CNTN4: variants seen among roughly 807,000 people sequenced by gnomAD.
CNTN4 encodes the protein contactin-4.
A neutral mutation model predicts 122.5 loss-of-function variants in CNTN4; 77 were observed. That is an observed-to-expected ratio of 0.63 (90% CI 0.52 to 0.76). The LOEUF (loss-of-function observed/expected upper bound fraction) is 0.76, where lower values mean the gene tolerates loss of function less well. Among genes scored for constraint, CNTN4 ranks in the 30% least tolerant of loss-of-function variants. CNTN4 has a pLI of 0.00. For missense variants in CNTN4, 1,256 were observed against 1,259.1 expected (o/e 1.00, Z 0.04); for synonymous variants, 512 against 447.0 (o/e 1.15, Z -1.83).
chr3:2,289,522 A>G (rs1575278795), intron 2 of CNTN4, among the ~76,000 whole-genome samples: 1 of 152,224 alleles, frequency 6.6e-6, no homozygotes, highest in Non-Finnish European at 1.5e-5. Flanking sequence ...TGCTGTTAAT[A>G]TATGAGAAGG....
chr3:2,946,961 C>T (rs2094685652), intron 13 of CNTN4, among the ~76,000 whole-genome samples: 1 of 152,146 alleles, frequency 6.6e-6, no homozygotes, highest in Non-Finnish European at 1.5e-5. Context: ...CCACCTTGTC[C>T]TCCCAAAGTG....
At chr3:2,858,703 T>C (rs2093641911) in intron 7 of CNTN4, among the ~76,000 whole-genome samples, 1 of 146,602 alleles carries the variant, frequency 6.8e-6, no homozygotes, top group African/African-American at 2.6e-5. Context: ...TGAGACCCTG[T>C]CTCAGAAAAA....
At chr3:2,895,085 C>T (rs1024702592) in intron 10 of CNTN4, among the ~76,000 whole-genome samples, 8 of 152,176 alleles carry the variant, frequency 5.3e-5, no homozygotes, top group South Asian at 2.1e-4. Context: ...CCGTGATTCT[C>T]GCGCCTCAGC....
At chr3:2,705,757 T>TATATTTATTATATATAATAC (rs2086661262) in intron 4 of CNTN4, among the ~76,000 whole-genome samples, 1 of 101,362 alleles carries the variant, frequency 9.9e-6, no homozygotes, top group African/African-American at 4.4e-5. Flanking sequence ...ATATATAATA[T>TATATTTATTATATATAATAC]ATAATATATA....
chr3:2,125,798 C>G (rs1330599167), intron 2 of CNTN4, among the ~76,000 whole-genome samples: 1 of 151,794 alleles, frequency 6.6e-6, no homozygotes, highest in African/African-American at 2.4e-5. Flanking sequence ...CCTCGTGATC[C>G]GCCCGCCTCA....
At chr3:2,323,360 G>A (rs543599701) in intron 2 of CNTN4, among the ~76,000 whole-genome samples, 149 of 152,234 alleles carry the variant, frequency 9.8e-4, no homozygotes, top group African/African-American at 3.5e-3. Flanking sequence ...ACGTTGTTGC[G>A]TGCCATGGTC....
At chr3:2,465,312 C>T (rs925297197) in intron 3 of CNTN4, among the ~76,000 whole-genome samples, 1 of 152,126 alleles carries the variant, frequency 6.6e-6, no homozygotes, top group Non-Finnish European at 1.5e-5. Flanking sequence ...GTTGATTTCT[C>T]TCTTTTAAAA....
In CNTN4 at chr3:2,571,555, G is replaced by A; in HGVS notation, c.52G>A (p.Ala18Thr). The stretch of plus-strand genomic sequence containing the variant: ...ACTGCAATCATTCATTTTGTGCCTT[G>A]CAGGTAGAGTGTCATTTTAAAACTT... ...LVLQSFILCL[A>T]DDSTLHGPIF... Residue 18 changes from alanine to threonine, a missense_variant, in exon 4 of 25, where the codon GCA becomes ACA. Transcript: ENST00000418658. 6.2e-7 allele frequency: 1 copy of A among 1,612,278 alleles called. No individual in the cohort carries two copies. The highest frequency in any genetic ancestry group is 1.1e-5 in the South Asian group (1 of 91,046).
At chr3:2,332,871 A>G (rs947305382) in intron 2 of CNTN4, among the ~76,000 whole-genome samples, 1 of 151,870 alleles carries the variant, frequency 6.6e-6, no homozygotes, top group Non-Finnish European at 1.5e-5. Flanking sequence ...TAAAACTTAA[A>G]GTATAATAAT....
intron 2 of CNTN4, among the ~76,000 whole-genome samples, chr3:2,305,668 T>C (rs924447222): frequency 6.6e-6 from 1 of 152,160 alleles, no homozygotes; most frequent in African/African-American, 2.4e-5. Context: ...ACATAACCTT[T>C]TTAAAGTACG....
chr3:2,249,761 G>A (rs1415935839), intron 2 of CNTN4, among the ~76,000 whole-genome samples: 1 of 151,940 alleles, frequency 6.6e-6, no homozygotes, highest in East Asian at 1.9e-4. Context: ...GTCCCATTAT[G>A]TGGTGGCTTT....
At chr3:2,294,881 C>T (rs887268008) in intron 2 of CNTN4, among the ~76,000 whole-genome samples, 7 of 151,864 alleles carry the variant, frequency 4.6e-5, no homozygotes, top group African/African-American at 1.7e-4. Flanking sequence ...CCTGTGTCCA[C>T]GTGTTCTCAT....
At chr3:2,990,661 A>G (rs115456087) in intron 14 of CNTN4, among the ~76,000 whole-genome samples, 2 of 152,222 alleles carry the variant, frequency 1.3e-5, no homozygotes, top group African/African-American at 4.8e-5. Flanking sequence ...CCTGCTGCTC[A>G]TCTTACACTG....
chr3:2,349,291 T>G (rs1424986287), intron 3 of CNTN4, among the ~76,000 whole-genome samples: 2 of 152,184 alleles, frequency 1.3e-5, no homozygotes, highest in African/African-American at 2.4e-5. Flanking sequence ...TACTGCCTTT[T>G]ACATAAGTAA....
At chr3:2,286,740 T>G (rs1385956290) in intron 2 of CNTN4, among the ~76,000 whole-genome samples, 2 of 152,154 alleles carry the variant, frequency 1.3e-5, no homozygotes, top group African/African-American at 4.8e-5. Flanking sequence ...TAGTTTACTC[T>G]GGGCACCATA....
intron 3 of CNTN4, among the ~76,000 whole-genome samples, chr3:2,340,538 G>A (rs779045762): frequency 3.3e-5 from 5 of 151,134 alleles, no homozygotes; most frequent in East Asian, 3.9e-4. Flanking sequence ...AAATTTAGCC[G>A]GATATGGTGG....
intron 12 of CNTN4, among the ~76,000 whole-genome samples, chr3:2,916,653 C>A (rs2094359864): frequency 8.1e-6 from 1 of 123,548 alleles, no homozygotes; most frequent in African/African-American, 3.0e-5. Context: ...CCCCACACTT[C>A]CCCCCCTTCC....
chr3:2,176,163 C>G (rs561822194), intron 2 of CNTN4, among the ~76,000 whole-genome samples: 78 of 152,216 alleles, frequency 5.1e-4, no homozygotes, highest in African/African-American at 1.8e-3. Context: ...AACTATGTAG[C>G]CAATGACAGG....
chr3:2,236,776 A>C (rs2039696499), intron 2 of CNTN4, among the ~76,000 whole-genome samples: 1 of 152,188 alleles, frequency 6.6e-6, no homozygotes, highest in Non-Finnish European at 1.5e-5. Flanking sequence ...TCAGGATGCC[A>C]CTCTCATTTG....
Sources: allele counts gnomAD v4.1 joint callset (sites outside exome capture counted in the v4.1 genomes callset), GRCh38; gene constraint gnomAD v4.1.1; transcripts MANE v1.5; gene names NCBI Gene and HGNC (gene_info 2026-07-23, HGNC 2026-07-21).